BRCC3: variants seen among roughly 807,000 people sequenced by gnomAD.
The protein encoded by BRCC3 is BRCA1/BRCA2-containing complex subunit 3.
In BRCC3, 15 loss-of-function variants were observed where a neutral mutation model predicts 28.0. The ratio of observed to expected loss-of-function variants is 0.54; its 90% confidence interval spans 0.36 to 0.82. The LOEUF (loss-of-function observed/expected upper bound fraction) is 0.82. BRCC3 is among the 40% of genes least tolerant of loss of function. The pLI, the probability that BRCC3 is intolerant of heterozygous loss-of-function variation, is 0.01. For missense variants in BRCC3, 109 were observed against 225.9 expected, an observed-to-expected ratio of 0.48 and a Z score of 3.32; for synonymous variants, 66 against 80.3, an observed-to-expected ratio of 0.82 and a Z score of 0.95.
intron 7 of BRCC3, among the ~76,000 whole-genome samples, chrX:155,104,767 C>G (rs2074267773): frequency 1.8e-5 from 2 of 112,891 alleles, no homozygotes; most frequent in African/African-American, 6.4e-5. Context: ...TATTTCCATA[C>G]TTTAAGGTTC....
intron 9 of BRCC3, 110 bp from the exon 10 acceptor site, chrX:155,119,889 A>G (rs1369280990): frequency 3.2e-6 from 2 of 630,748 alleles, no homozygotes; most frequent in African/African-American, 2.3e-5. Flanking sequence ...TCCTTCTCCA[A>G]CCCCTTCTTT....
intron 5 of BRCC3, among the ~76,000 whole-genome samples, chrX:155,079,299 G>T (rs1557293968): frequency 9.0e-6 from 1 of 111,634 alleles, no homozygotes; most frequent in East Asian, 2.8e-4. Flanking sequence ...TACCCCCATT[G>T]TACAGAAGGG....
At chrX:155,078,864 A>G (rs918344331) in intron 5 of BRCC3, 161 bp downstream of exon 5, 2 of 382,242 alleles carry the variant, frequency 5.2e-6, no homozygotes, top group African/African-American at 5.3e-5. Flanking sequence ...GTAATGATTT[A>G]TGTCATATTG....
chrX:155,103,726 A>T (rs2074260701), intron 7 of BRCC3, among the ~76,000 whole-genome samples: 1 of 110,550 alleles, frequency 9.0e-6, no homozygotes, highest in African/African-American at 3.3e-5. Context: ...CATTATTTCC[A>T]CTAGTTTTTT....
chrX:155,076,979 T>C (rs2074049413), intron 3 of BRCC3, among the ~76,000 whole-genome samples, 191 bp from the exon 4 acceptor site: 1 of 112,386 alleles, frequency 8.9e-6, no homozygotes, highest in African/African-American at 3.2e-5. Context: ...TTTTATATTT[T>C]TGTGTCTGAA....
chrX:155,097,070 A>G (rs191283329), intron 7 of BRCC3, among the ~76,000 whole-genome samples: 1 of 112,415 alleles, frequency 8.9e-6, no homozygotes, highest in African/African-American at 3.2e-5. Flanking sequence ...AAAGCAGAGG[A>G]AACACTGCTT....
intron 7 of BRCC3, among the ~76,000 whole-genome samples, chrX:155,115,562 C>T (rs2074349148): frequency 8.9e-6 from 1 of 112,398 alleles, no homozygotes; most frequent in South Asian, 3.7e-4. Context: ...TACCTATTTC[C>T]CCCCAGGGGA....
At chrX:155,102,577 A>AT (rs2074252929) in intron 7 of BRCC3, among the ~76,000 whole-genome samples, 1 of 111,063 alleles carries the variant, frequency 9.0e-6, no homozygotes, top group Non-Finnish European at 1.9e-5. Flanking sequence ...TTATTTATTT[A>AT]TTTTTTTGCC....
At chrX:155,082,957 C>T (rs1374192578) in intron 5 of BRCC3, among the ~76,000 whole-genome samples, 2 of 111,913 alleles carry the variant, frequency 1.8e-5, no homozygotes, top group Admixed American at 1.9e-4. Context: ...GAATGTTGCT[C>T]CATTTGACTT....
At chrX:155,099,484 A>T in intron 7 of BRCC3, 1 of 1,095,191 alleles carries the variant, frequency 9.1e-7, no homozygotes, top group Non-Finnish European at 1.2e-6. Flanking sequence ...CTTCCATCTC[A>T]CTGGCAGAAC....
intron 7 of BRCC3, among the ~76,000 whole-genome samples, chrX:155,106,080 G>T (rs781852844): frequency 8.9e-6 from 1 of 112,073 alleles, no homozygotes; most frequent in South Asian, 3.7e-4. Flanking sequence ...TATTTCTATT[G>T]AGATTGTGTT....
At chrX:155,102,037 TACC>T (rs1557296939) in intron 7 of BRCC3, among the ~76,000 whole-genome samples, 4 of 112,695 alleles carry the variant, frequency 3.5e-5, no homozygotes, top group Non-Finnish European at 5.6e-5. Flanking sequence ...GTATAAATAT[TACC>T]ACAATATGTT....
At chrX:155,114,871 T>C (rs1301263627) in intron 7 of BRCC3, among the ~76,000 whole-genome samples, 1 of 111,924 alleles carries the variant, frequency 8.9e-6, no homozygotes, top group East Asian at 2.8e-4. Context: ...CTAAGAATTC[T>C]CTAAAAACTG....
At chrX:155,096,942 CAA>C (rs372343505) in intron 7 of BRCC3, among the ~76,000 whole-genome samples, 17 of 112,021 alleles carry the variant, frequency 1.5e-4, no homozygotes, top group African/African-American at 5.5e-4. Flanking sequence ...GTTGGGGAAA[CAA>C]GATACCCACA....
intron 5 of BRCC3, 36 bp downstream of exon 5, chrX:155,078,739 A>T (rs1602765628): frequency 1.0e-6 from 1 of 993,730 alleles, no homozygotes; most frequent in African/African-American, 1.9e-5. Flanking sequence ...TATTGTTTTC[A>T]GAAATTAATA....
At chrX:155,117,254 CAGAT>C (rs1335980826) in intron 9 of BRCC3, among the ~76,000 whole-genome samples, 1 of 111,932 alleles carries the variant, frequency 8.9e-6, no homozygotes, top group Non-Finnish European at 1.9e-5. Flanking sequence ...GATGGATACA[CAGAT>C]AGAGAGATAA....
At chrX:155,082,890 T>C (rs886398679) in intron 5 of BRCC3, among the ~76,000 whole-genome samples, 2 of 112,353 alleles carry the variant, frequency 1.8e-5, no homozygotes, top group Non-Finnish European at 1.9e-5. Context: ...TCCTTTCCTC[T>C]GGACCAGCTC....
At chrX:155,081,984 T>C (rs2074088680) in intron 5 of BRCC3, among the ~76,000 whole-genome samples, 1 of 111,624 alleles carries the variant, frequency 9.0e-6, no homozygotes, top group Admixed American at 9.5e-5. Context: ...CATTTGTACT[T>C]GTAAATATAA....
intron 7 of BRCC3, among the ~76,000 whole-genome samples, chrX:155,097,139 A>G (rs951739332): frequency 8.9e-6 from 1 of 112,023 alleles, no homozygotes; most frequent in Non-Finnish European, 1.9e-5. Flanking sequence ...GCAACAAAGG[A>G]AAAAAGAAAC....
Sources: gnomAD v4.1 joint callset for allele counts (sites outside exome capture counted in the v4.1 genomes callset) on GRCh38, gnomAD v4.1.1 for gene constraint, MANE v1.5 for transcripts, NCBI Gene and HGNC (gene_info 2026-07-23, HGNC 2026-07-21) for gene names.